WWP1: variants seen among roughly 807,000 people sequenced by gnomAD.
The protein encoded by WWP1 is NEDD4-like E3 ubiquitin-protein ligase WWP1.
In WWP1, 49 loss-of-function variants were observed where a neutral mutation model predicts 130.6. The observed-to-expected ratio is 0.38, with a 90% CI of 0.30 to 0.48. The LOEUF is 0.48. WWP1 is among the 20% of genes least tolerant of loss of function. The pLI, the probability that WWP1 is intolerant of heterozygous loss-of-function variation, is 0.99. For missense variants in WWP1, 809 were observed against 1,100.6 expected (o/e 0.74, Z 3.75); for synonymous variants, 332 against 367.8 (o/e 0.90, Z 1.11).
intron 10 of WWP1, among the ~76,000 whole-genome samples, chr8:86,425,733 C>T (rs1006263204): frequency 4.6e-5 from 7 of 152,268 alleles, no homozygotes; most frequent in African/African-American, 1.4e-4. Context: ...AAACTATGAT[C>T]TACAAAGATT....
Position 86,457,984 on chromosome 8 carries a change from CATT to C in WWP1, c.2461_2463del (p.Tyr821del). 6.2e-7 allele frequency: 1 copy of C among 1,612,656 alleles called. No individual in the cohort carries two copies. On this transcript the variant is annotated inframe_deletion, in exon 22 of 25. Coordinates refer to ENST00000517970, the MANE Select transcript of WWP1 (RefSeq NM_007013.4). Reference sequence around the variant, plus strand: ...TTGGCAGAGAAATACTGTTTATCGACATTATACAAGAAACAGCAAGCAAATCAT... The same window carrying C: ...TTGGCAGAGAAATACTGTTTATCGACATACAAGAAACAGCAAGCAAATCAT...
chr8:86,360,695 A>T (rs1823540473), intron 1 of WWP1, among the ~76,000 whole-genome samples: 1 of 152,236 alleles, frequency 6.6e-6, no homozygotes, highest in Admixed American at 6.5e-5. Flanking sequence ...TTCTAGGAAT[A>T]GAATGGTAAA....
chr8:86,381,300 A>G (rs1442019255), intron 4 of WWP1, among the ~76,000 whole-genome samples: 2 of 152,210 alleles, frequency 1.3e-5, no homozygotes, highest in Non-Finnish European at 2.9e-5. Flanking sequence ...TCATCTAGTT[A>G]TTAAAGTCCT....
At chr8:86,376,689 G>A (rs1824675940) in intron 3 of WWP1, among the ~76,000 whole-genome samples, 1 of 152,196 alleles carries the variant, frequency 6.6e-6, no homozygotes, top group Admixed American at 6.5e-5. Context: ...TTGGAAAATA[G>A]ATGTGGACCA....
chr8:86,377,608 C>G (rs16912199), intron 3 of WWP1, among the ~76,000 whole-genome samples: 19,357 of 151,740 alleles, frequency 0.13, 3,266 homozygotes, highest in African/African-American at 0.39. Flanking sequence ...TCATGGAACG[C>G]GGAAAAACTG....
chr8:86,358,898 G>A (rs1823404525), intron 1 of WWP1, among the ~76,000 whole-genome samples: 1 of 152,110 alleles, frequency 6.6e-6, no homozygotes, highest in South Asian at 2.1e-4. Context: ...TGTAACGGGA[G>A]AGATAGAGAA....
chr8:86,347,706 T>C (rs192123956), intron 1 of WWP1, among the ~76,000 whole-genome samples: 31 of 152,380 alleles, frequency 2.0e-4, no homozygotes, highest in Non-Finnish European at 3.7e-4. Flanking sequence ...TGGTGAAATG[T>C]AGATATTTAT....
At chr8:86,436,937 CTA>C (rs1475530182) in intron 16 of WWP1, among the ~76,000 whole-genome samples, 14 of 148,894 alleles carry the variant, frequency 9.4e-5, no homozygotes, top group Admixed American at 1.4e-4. Context: ...GATACTTAAA[CTA>C]TTATCAAGTT....
At chr8:86,434,120 T>C (rs750526874) in intron 14 of WWP1, among the ~76,000 whole-genome samples, 4 of 152,214 alleles carry the variant, frequency 2.6e-5, no homozygotes, top group Non-Finnish European at 5.9e-5. Context: ...CTCTGCTTTC[T>C]TCCCACACCT....
chr8:86,363,543 T>C (rs189637964), intron 1 of WWP1, among the ~76,000 whole-genome samples: 420 of 152,230 alleles, frequency 2.8e-3, no homozygotes, highest in African/African-American at 9.6e-3. Context: ...GGCTCACTCC[T>C]GTAATCCCAG....
At chr8:86,439,572 A>G (rs1187773873) in intron 17 of WWP1, among the ~76,000 whole-genome samples, 1 of 152,136 alleles carries the variant, frequency 6.6e-6, no homozygotes, top group East Asian at 1.9e-4. Flanking sequence ...TAGCATGCAT[A>G]CATTCTTATT....
chr8:86,394,160 C>T (rs1183383537), intron 5 of WWP1, among the ~76,000 whole-genome samples: 1 of 152,222 alleles, frequency 6.6e-6, no homozygotes, highest in Non-Finnish European at 1.5e-5. Flanking sequence ...TTTTTAAAAA[C>T]GGCTTCAGAA....
intron 5 of WWP1, among the ~76,000 whole-genome samples, chr8:86,398,046 G>T (rs2130483818): frequency 6.6e-6 from 1 of 152,276 alleles, no homozygotes; most frequent in Middle Eastern, 3.4e-3. Context: ...AACCACAAGA[G>T]TCATCTGTGG....
At position 86,361,895 on chromosome 8, in the gene WWP1, G is replaced by C. The variant is rs538177054; in HGVS notation, c.-114-7044G>C. ...TGCTACTAAATTTTAAACTCACTGA[G>C]AGCAAAGAGCATATTTTATATGGCT... is the stretch of plus-strand genomic sequence containing the variant. On this transcript the variant is annotated intron_variant, in intron 1 of 24. Transcript: ENST00000517970. Among the ~76,000 whole-genome samples, 12 of 151,228 alleles carry C rather than the reference G, an allele frequency of 7.9e-5. No homozygotes were observed. In the South Asian group the frequency reaches 2.5e-3, roughly 32 times the overall value.
intron 1 of WWP1, among the ~76,000 whole-genome samples, chr8:86,356,327 G>A (rs1024597384): frequency 1.3e-5 from 2 of 151,934 alleles, no homozygotes; most frequent in Non-Finnish European, 2.9e-5. Flanking sequence ...AAGTTTTAAT[G>A]TTCTTAGAAT....
intron 2 of WWP1, among the ~76,000 whole-genome samples, chr8:86,371,544 A>T (rs1050043425): frequency 6.6e-6 from 1 of 152,192 alleles, no homozygotes; most frequent in Non-Finnish European, 1.5e-5. Context: ...TAATGAATTT[A>T]AAAATGACAT....
At chr8:86,460,775 C>G (rs920042849) in intron 22 of WWP1, among the ~76,000 whole-genome samples, 3 of 139,010 alleles carry the variant, frequency 2.2e-5, no homozygotes, top group African/African-American at 7.6e-5. Context: ...ACCCTACAAC[C>G]TCTTTTTAGC....
rs2130188125 is a variant in WWP1 at position 86,467,643 on chromosome 8, G to C, written c.*750G>C. 6.6e-6 allele frequency: 1 copy of C among 152,150 alleles called. No individual in the cohort carries two copies. Among genetic ancestry groups the C allele is most frequent in the Non-Finnish European group, 1.5e-5 (1 of 67,968 alleles). The allele number at this position is 152,150 out of a possible 1,614,324, so 9.4% of individuals were successfully genotyped here. On this transcript the variant is annotated 3_prime_UTR_variant, in exon 25 of 25. Transcript: ENST00000517970. ...GTTTACATGTTACTTTGAGATGCTA[G>C]GTATTTGTGGAATTAAAAAGAATCA... is the stretch of plus-strand genomic sequence containing the variant.
rs555585296 is a variant in WWP1 at position 86,370,855 on chromosome 8, C to CTTTTT, written c.-22+1848_-22+1852dup. Among the ~76,000 whole-genome samples the CTTTTT allele has an allele frequency of 9.3e-3, 418 of 44,890 alleles. 91 individuals are homozygous for CTTTTT. The highest frequency in any genetic ancestry group is 0.018 in the African/African-American group (171 of 9,652). 29.4% of individuals were successfully genotyped at this position (44,890 alleles called of 152,430 possible). On this transcript the variant is annotated intron_variant, in intron 2 of 24. Coordinates refer to ENST00000517970, the MANE Select transcript of WWP1 (RefSeq NM_007013.4). ...GGTATTGCTTATAGCTATATTCATTCTTTTTTTTTTTTTTTTTTTTTTTTT... is the reference window on the plus strand; with the variant it reads ...GGTATTGCTTATAGCTATATTCATTCTTTTTTTTTTTTTTTTTTTTTTTTTTTTTT...
Sources: gnomAD v4.1 joint callset for allele counts (sites outside exome capture counted in the v4.1 genomes callset) on GRCh38, gnomAD v4.1.1 for gene constraint, MANE v1.5 for transcripts, NCBI Gene and HGNC (gene_info 2026-07-23, HGNC 2026-07-21) for gene names.